Variants in ACOT7 observed in about 807,000 individuals in gnomAD.
ACOT7 encodes acyl-CoA thioesterase 7.
ACOT7 carries 12 observed loss-of-function variants against 40.2 expected under a neutral mutation model. The observed-to-expected ratio is 0.30, with a 90% CI of 0.19 to 0.48. The LOEUF is 0.48. Among genes scored for constraint, ACOT7 ranks in the 20% least tolerant of loss-of-function variants. The pLI is 0.99. For synonymous variants in ACOT7, 228 were observed against 219.5 expected (o/e 1.04, Z -0.34); for missense variants, 395 against 530.8 (o/e 0.74, Z 2.51).
intron 1 of ACOT7, among the ~76,000 whole-genome samples, chr1:6,388,596 G>A (rs1271501598): frequency 3.4e-5 from 5 of 149,212 alleles, no homozygotes; most frequent in East Asian, 2.0e-4. Context: ...AAAATTAGCC[G>A]AGTGTGGTGG....
In ACOT7 at chr1:6,306,527, G is replaced by A. The variant is rs377592995; in HGVS notation, c.713-11547C>T. 5.4e-5 allele frequency: 53 copies of A among 985,384 alleles called. 1 individual carries two copies. The African/African-American group carries it at 8.9e-4, about 17-fold the overall frequency. 61.0% of individuals were successfully genotyped at this position (985,384 alleles called of 1,614,324 possible). On this transcript the variant is annotated intron_variant, in intron 6 of 8. Transcript: ENST00000361521. The surrounding 1 kb of genome is among the most constrained non-coding windows in gnomAD (Gnocchi z 4.3). ...CGCTCCCCCGCTGAAGCATCAGGAT[G>A]GACGTGAAGCTGTTCTTCAGAACAG...
intron 4 of ACOT7, among the ~76,000 whole-genome samples, chr1:6,333,028 C>T (rs1033136490): frequency 5.9e-5 from 9 of 152,118 alleles, no homozygotes; most frequent in African/African-American, 1.9e-4. Flanking sequence ...GCAGGGGCCA[C>T]GGGGGAACAG....
chr1:6,332,768 C>T (rs1324990725), intron 4 of ACOT7, among the ~76,000 whole-genome samples: 1 of 151,836 alleles, frequency 6.6e-6, no homozygotes, highest in South Asian at 2.1e-4. Context: ...TTGCAGTGAG[C>T]CGAGATCGCG....
chr1:6,368,588 AG>A (rs1208220910), intron 1 of ACOT7, among the ~76,000 whole-genome samples: 1 of 152,146 alleles, frequency 6.6e-6, no homozygotes, highest in Non-Finnish European at 1.5e-5. Context: ...GGTGGCTCCC[AG>A]GGCAGTGGGC....
chr1:6,279,656 C>T (rs993852386), intron 8 of ACOT7, among the ~76,000 whole-genome samples: 5 of 152,232 alleles, frequency 3.3e-5, no homozygotes, highest in Non-Finnish European at 7.3e-5. Flanking sequence ...TCACCATCAG[C>T]TCCTCTACTC....
intron 1 of ACOT7, among the ~76,000 whole-genome samples, chr1:6,354,777 C>T (rs1473444284): frequency 5.2e-5 from 5 of 95,460 alleles, no homozygotes; most frequent in African/African-American, 4.4e-5. Flanking sequence ...CCTCTAGCCC[C>T]CCCATGGCCT....
chr1:6,342,764 G>A (rs994497783), intron 2 of ACOT7, among the ~76,000 whole-genome samples: 4 of 152,170 alleles, frequency 2.6e-5, no homozygotes, highest in South Asian at 4.1e-4. Context: ...CACTTAAACC[G>A]TTTTCTGCAT....
intron 1 of ACOT7, among the ~76,000 whole-genome samples, chr1:6,389,916 C>T (rs1375125662): frequency 6.6e-6 from 1 of 152,200 alleles, no homozygotes; most frequent in East Asian, 1.9e-4. Flanking sequence ...AAGGCAGGGG[C>T]CACATTTTCC....
intron 8 of ACOT7, 21 bp downstream of exon 8, chr1:6,281,081 G>A (rs201179965): frequency 8.1e-6 from 13 of 1,609,828 alleles, no homozygotes; most frequent in South Asian, 5.5e-5. Context: ...AGGGGCCGCC[G>A]TTCCAAGGAT....
intron 1 of ACOT7, among the ~76,000 whole-genome samples, chr1:6,387,445 ACT>A (rs1284655908): frequency 6.6e-6 from 1 of 151,862 alleles, no homozygotes; most frequent in Non-Finnish European, 1.5e-5. Flanking sequence ...CATCTTGTTG[ACT>A]CTCTGCTGAA....
intron 1 of ACOT7, among the ~76,000 whole-genome samples, chr1:6,373,468 CT>C (rs990961312): frequency 7.9e-5 from 12 of 151,738 alleles, no homozygotes; most frequent in African/African-American, 2.7e-4. Flanking sequence ...CCAGGCTGGT[CT>C]CGAACTCCTG....
At chr1:6,388,620 T>A (rs1271234677) in intron 1 of ACOT7, among the ~76,000 whole-genome samples, 1 of 147,294 alleles carries the variant, frequency 6.8e-6, no homozygotes, top group Non-Finnish European at 1.5e-5. Context: ...GTGCCTGTAG[T>A]CCCAGCTACT....
At chr1:6,356,818 C>T (rs1391210855) in intron 1 of ACOT7, among the ~76,000 whole-genome samples, 2 of 151,704 alleles carry the variant, frequency 1.3e-5, no homozygotes, top group Non-Finnish European at 2.9e-5. Flanking sequence ...ACTTGGGAGG[C>T]TGAGGCAGGA....
chr1:6,333,349 C>G (rs910805751), intron 4 of ACOT7, 128 bp downstream of exon 4: 1 of 1,016,348 alleles, frequency 9.8e-7, no homozygotes, highest in Admixed American at 2.2e-5. Context: ...GCGGACCTGG[C>G]CCCCTGTGCC....
intron 2 of ACOT7, among the ~76,000 whole-genome samples, chr1:6,343,116 T>C (rs1214593110): frequency 1.1e-4 from 17 of 152,150 alleles, no homozygotes; most frequent in Admixed American, 1.1e-3. Flanking sequence ...CCGACATCAC[T>C]GGCCCAGGTG....
At chr1:6,302,771 C>A (rs1046124832) in intron 6 of ACOT7, among the ~76,000 whole-genome samples, 1 of 152,024 alleles carries the variant, frequency 6.6e-6, no homozygotes, top group African/African-American at 2.4e-5. Flanking sequence ...TGGTTACCTG[C>A]CACCGAGAGA....
At chr1:6,386,318 T>C (rs998127923) in intron 1 of ACOT7, among the ~76,000 whole-genome samples, 5 of 152,170 alleles carry the variant, frequency 3.3e-5, no homozygotes, top group African/African-American at 1.2e-4. Context: ...GGGTGGAGGC[T>C]CAGGAGCCTG....
At chr1:6,363,103 T>A (rs1205451044) in intron 1 of ACOT7, among the ~76,000 whole-genome samples, 1 of 152,200 alleles carries the variant, frequency 6.6e-6, no homozygotes, top group Non-Finnish European at 1.5e-5. Context: ...AATATTATAA[T>A]AATCCTCGCT....
chr1:6,299,194 C>T lies in ACOT7; in HGVS notation c.713-4214G>A, dbSNP rs186598753. 4.9e-4 allele frequency among the ~76,000 whole-genome samples: 74 copies of T among 152,318 alleles called. No homozygotes were observed. The East Asian group carries it at 8.3e-3, about 17-fold the overall frequency. The stretch of plus-strand genomic sequence containing the variant: ...AGTGTCTGTCAGGCAGAGGAGGTGA[C>T]GGCGCCCACAGGCAAGGTGACTGAG... On this transcript the variant is annotated intron_variant, in intron 6 of 8. Coordinates refer to ENST00000361521, the MANE Select transcript of ACOT7 (RefSeq NM_007274.4). This position sits in a 1 kb window ranked among gnomAD's most constrained non-coding sequence, Gnocchi z 4.1.
Sources: gnomAD v4.1 joint callset for allele counts (sites outside exome capture counted in the v4.1 genomes callset) on GRCh38, gnomAD v4.1.1 for gene constraint, Gnocchi (gnomAD v3.1) non-coding constraint, MANE v1.5 for transcripts, NCBI Gene and HGNC (gene_info 2026-07-23, HGNC 2026-07-21) for gene names.